Variants in FRMD6 observed in about 807,000 individuals in gnomAD.
FRMD6 encodes the protein FERM domain containing 6.
Under a neutral mutation model 73.2 loss-of-function variants are expected in FRMD6, and 37 were observed. The ratio of observed to expected loss-of-function variants is 0.51; its 90% CI spans 0.39 to 0.66. The LOEUF is 0.66. Among genes scored for constraint, FRMD6 ranks in the 30% least tolerant of loss-of-function variants. The pLI, the probability that FRMD6 is intolerant of heterozygous loss-of-function variation, is 0.00. For missense variants in FRMD6, 714 were observed against 780.5 expected, an observed-to-expected ratio of 0.91 and a Z score of 1.02; for synonymous variants, 273 against 282.2, an observed-to-expected ratio of 0.97 and a Z score of 0.33.
intron 1 of FRMD6, among the ~76,000 whole-genome samples, chr14:51,537,845 C>T (rs1038331181): frequency 3.3e-5 from 5 of 152,144 alleles, no homozygotes; most frequent in African/African-American, 1.2e-4. Context: ...CATTTTTTCA[C>T]TTGGGATGTT....
intron 2 of FRMD6, among the ~76,000 whole-genome samples, chr14:51,629,967 A>C (rs1338067365): frequency 6.6e-6 from 1 of 152,116 alleles, no homozygotes; most frequent in Admixed American, 6.5e-5. Context: ...TTTTCAAATG[A>C]GACAGGGCCT....
upstream of FRMD6, chr14:51,651,009 G>C (rs1477535601): frequency 6.5e-6 from 1 of 152,816 alleles, no homozygotes; most frequent in Non-Finnish European, 1.5e-5. Context: ...TGACCGGAGA[G>C]GTGTGGCTCG....
At chr14:51,567,550 G>C (rs1055789874) in intron 1 of FRMD6, among the ~76,000 whole-genome samples, 5 of 152,152 alleles carry the variant, frequency 3.3e-5, no homozygotes, top group African/African-American at 9.7e-5. Context: ...ATGTTGCCCA[G>C]GCTGATCTCA....
the FRMD6 span, among the ~76,000 whole-genome samples, chr14:51,426,822 C>G: frequency 6.6e-6 from 1 of 152,106 alleles, no homozygotes; most frequent in Non-Finnish European, 1.5e-5. Context: ...CAGTGAGGAC[C>G]CTGGCTCGCA....
At chr14:51,669,200 T>G (rs1246812637) in intron 1 of FRMD6, among the ~76,000 whole-genome samples, 1 of 152,228 alleles carries the variant, frequency 6.6e-6, no homozygotes, top group East Asian at 1.9e-4. Context: ...TTTAGCATGA[T>G]GTATTCATCC....
chr14:51,629,069 G>A (rs2139968969), intron 2 of FRMD6, among the ~76,000 whole-genome samples: 1 of 151,820 alleles, frequency 6.6e-6, no homozygotes, highest in Non-Finnish European at 1.5e-5. Context: ...GTAGAGACGG[G>A]GTTTCACCGT....
intron 5 of FRMD6, 155 bp from the exon 6 acceptor site, chr14:51,704,594 A>G: frequency 1.7e-6 from 1 of 603,240 alleles, no homozygotes; most frequent in Admixed American, 3.0e-5. Context: ...GCTATCAGAT[A>G]TTAGCTACAA....
intron 2 of FRMD6, among the ~76,000 whole-genome samples, chr14:51,613,989 G>A (rs1028291240): frequency 1.5e-4 from 23 of 151,790 alleles, no homozygotes; most frequent in Admixed American, 1.4e-3. Flanking sequence ...AATTTCACAC[G>A]TACCACACAC....
chr14:51,623,358 CA>C (rs1230688988), intron 2 of FRMD6, among the ~76,000 whole-genome samples: 3 of 152,118 alleles, frequency 2.0e-5, no homozygotes, highest in Non-Finnish European at 2.9e-5. Flanking sequence ...GACTGGTAAT[CA>C]AAGAAGTGGC....
rs568149255 is a variant in FRMD6 at position 51,626,593 on chromosome 14, C to T, written c.-147+56183C>T. The stretch of plus-strand genomic sequence containing the variant: ...CAGTGCCTTCTATATAGCAGGCTCT[C>T]AATAAACAGAAGTTGCTATTTAACT... On this transcript the variant is annotated intron_variant, in intron 2 of 14. Transcript: ENST00000356218. 2.0e-4 allele frequency among the ~76,000 whole-genome samples: 30 copies of T among 152,208 alleles called. No individual in the cohort carries two copies. The South Asian group carries it at 6.2e-3, about 32-fold the overall frequency.
intron 3 of FRMD6, among the ~76,000 whole-genome samples, chr14:51,699,335 A>T (rs1334660438): frequency 6.6e-6 from 1 of 152,098 alleles, no homozygotes; most frequent in Non-Finnish European, 1.5e-5. Flanking sequence ...TCTTTCAGGG[A>T]AGAGTCTGAG....
intron 1 of FRMD6, among the ~76,000 whole-genome samples, chr14:51,496,471 A>G (rs576365218): frequency 6.6e-6 from 1 of 152,292 alleles, no homozygotes; most frequent in Non-Finnish European, 1.5e-5. Context: ...GGGGCCTCAG[A>G]TAGAGATGGT....
intron 1 of FRMD6, among the ~76,000 whole-genome samples, chr14:51,653,616 A>G (rs1892594016): frequency 6.6e-6 from 1 of 152,150 alleles, no homozygotes; most frequent in Non-Finnish European, 1.5e-5. Flanking sequence ...TACAGGATGG[A>G]GAGTGGGGGA....
At chr14:51,705,006 T>TA in intron 6 of FRMD6, 71 bp downstream of exon 6, 1 of 1,367,046 alleles carries the variant, frequency 7.3e-7, no homozygotes, top group Non-Finnish European at 1.0e-6. Flanking sequence ...TTGCTACTCA[T>TA]ACTCTTTAAG....
intron 1 of FRMD6, among the ~76,000 whole-genome samples, chr14:51,492,543 T>C (rs571441894): frequency 2.0e-5 from 3 of 152,314 alleles, no homozygotes; most frequent in African/African-American, 7.2e-5. Flanking sequence ...CTATTTTTAT[T>C]GTATAACTTG....
chr14:51,583,453 T>C (rs535577654), intron 2 of FRMD6, among the ~76,000 whole-genome samples: 7 of 152,222 alleles, frequency 4.6e-5, no homozygotes, highest in Admixed American at 3.3e-4. Flanking sequence ...ATTCTTAAGA[T>C]TTATTTAAAA....
chr14:51,650,995 AGACT>A (rs1444819538), upstream of FRMD6: 1 of 152,484 alleles, frequency 6.6e-6, no homozygotes, highest in African/African-American at 2.4e-5. Context: ...TGGTGGGCGC[AGACT>A]GACCGGAGAG....
At chr14:51,443,012 G>C in the FRMD6 span, among the ~76,000 whole-genome samples, 1 of 152,104 alleles carries the variant, frequency 6.6e-6, no homozygotes, top group Non-Finnish European at 1.5e-5. Flanking sequence ...GCATGACTCT[G>C]GCTTCCCCAT....
chr14:51,466,106 G>C, the FRMD6 span, among the ~76,000 whole-genome samples: 2 of 152,120 alleles, frequency 1.3e-5, no homozygotes, highest in Non-Finnish European at 2.9e-5. Context: ...TTCATGAAGT[G>C]TTCGAATACT....
Sources: gnomAD v4.1 joint callset for allele counts (sites outside exome capture counted in the v4.1 genomes callset) on GRCh38, gnomAD v4.1.1 for gene constraint, MANE v1.5 for transcripts, NCBI Gene and HGNC (gene_info 2026-07-23, HGNC 2026-07-21) for gene names.